GYS2: variants seen among roughly 807,000 people sequenced by gnomAD.
GYS2 encodes the protein glycogen [starch] synthase, liver.
GYS2 carries 80 observed loss-of-function variants against 85.6 expected under a neutral mutation model. The observed-to-expected ratio is 0.93, with a 90% CI of 0.78 to 1.13. GYS2 has a LOEUF of 1.13. Among genes scored for constraint, GYS2 ranks in the 50% most tolerant of loss-of-function variants. GYS2 has a pLI of 0.00. For missense variants in GYS2, 881 were observed against 854.9 expected (o/e 1.03, Z -0.38); for synonymous variants, 328 against 300.7 (o/e 1.09, Z -0.94).
At chr12:21,559,312 G>C (rs549717154) in intron 9 of GYS2, 143 bp from the exon 10 acceptor site, 15 of 587,488 alleles carry the variant, frequency 2.6e-5, no homozygotes, top group Non-Finnish European at 4.2e-5. Flanking sequence ...TGTTCACATA[G>C]ACTTAATATT....
intron 11 of GYS2, 52 bp from the exon 12 acceptor site, chr12:21,546,522 T>C: frequency 2.4e-6 from 3 of 1,261,224 alleles, no homozygotes; most frequent in South Asian, 2.6e-5. Flanking sequence ...GCAAGTAAAG[T>C]GAAAAATCTC....
chr12:21,584,779 T>C (rs1485510705), intron 1 of GYS2, among the ~76,000 whole-genome samples: 1 of 152,212 alleles, frequency 6.6e-6, no homozygotes, highest in Non-Finnish European at 1.5e-5. Context: ...TCAATGCTTA[T>C]GCCAAGACTA....
At chr12:21,594,759 T>C (rs1473047557) in intron 1 of GYS2, among the ~76,000 whole-genome samples, 1 of 152,106 alleles carries the variant, frequency 6.6e-6, no homozygotes, top group Non-Finnish European at 1.5e-5. Flanking sequence ...AAAATTTGTA[T>C]GAAATTAAAA....
rs765248902 is a variant in GYS2 at position 21,558,217 on chromosome 12, G to A, written c.1405C>T (p.Arg469Cys). 15 of 1,604,370 alleles carry A rather than the reference G, an allele frequency of 9.3e-6. No individual in the cohort carries two copies. The highest frequency in any genetic ancestry group is 4.4e-5 in the South Asian group (4 of 90,844). The part of the protein sequence containing the change: ...TIRRIGLFNN[R>C]TDRVKVILHP... ...TGTTCTACCTTGACTCTATCTGTGCGGTTGTTGAAAAGTCCAATCCGTCTA... is the reference window on the plus strand; with the variant it reads ...TGTTCTACCTTGACTCTATCTGTGCAGTTGTTGAAAAGTCCAATCCGTCTA... Residue 469 changes from arginine (R) to cysteine (C), a missense_variant, in exon 11 of 16, where the codon CGC becomes TGC. Physicochemically the swap from Arg to Cys is radical, Grantham distance 180. Coordinates refer to ENST00000261195, the MANE Select transcript of GYS2 (RefSeq NM_021957.4).
chr12:21,537,349 A>C (rs1943922013), intron 15 of GYS2, 174 bp from the exon 16 acceptor site: 1 of 644,310 alleles, frequency 1.6e-6, no homozygotes, highest in Non-Finnish European at 2.8e-6. Flanking sequence ...AGAGGGATTC[A>C]TTCAATATAT....
rs199969786 is a variant in GYS2, at chr12:21,536,561, C to CG, written c.*392dup. The CG allele has an allele frequency of 1.1e-3, 242 of 229,636 alleles. 3 individuals are homozygous for CG. The East Asian group carries it at 0.021, about 20-fold the overall frequency. The allele number at this position is 229,636 out of a possible 1,614,324, so 14.2% of individuals were successfully genotyped here. The stretch of plus-strand genomic sequence containing the variant: ...CATTCATGGGTAAGATCAAGGTTTT[C>CG]GGGGGGGAAATGGGAAATTTGTGTG... On this transcript the variant is annotated 3_prime_UTR_variant, in exon 16 of 16. Transcript: ENST00000261195.
At chr12:21,583,696 G>A (rs528213396) in intron 1 of GYS2, among the ~76,000 whole-genome samples, 1 of 152,320 alleles carries the variant, frequency 6.6e-6, no homozygotes, top group African/African-American at 2.4e-5. Context: ...CTCTTGGCCT[G>A]TTACTGGGCT....
In GYS2 at chr12:21,568,870, T is replaced by C. The variant is rs574791346; in HGVS notation, c.818A>G (p.Lys273Arg). 3 of 1,612,702 alleles carry C rather than the reference T, an allele frequency of 1.9e-6. No individual in the cohort carries two copies. The highest frequency in any genetic ancestry group is 2.2e-5 in the East Asian group (1 of 44,874). Reference protein sequence around the residue: ...AIEAEHMLKRKPDVVTPNGLN... With the variant: ...AIEAEHMLKRRPDVVTPNGLN... ...GATCCAGGGATAATAATTACCAGGC[T>C]TTCTCTTCAGCATATGTTCAGCTTC... is the stretch of plus-strand genomic sequence containing the variant. Residue 273 changes from lysine (K) to arginine (R), a missense_variant, in exon 5 of 16, where the codon AAG becomes AGG. By Grantham distance (26) the Lys-to-Arg change is conservative (BLOSUM62 2). Coordinates refer to ENST00000261195, the MANE Select transcript of GYS2 (RefSeq NM_021957.4).
At chr12:21,548,091 T>G (rs556131665) in intron 11 of GYS2, among the ~76,000 whole-genome samples, 1 of 75,294 alleles carries the variant, frequency 1.3e-5, no homozygotes, top group East Asian at 5.0e-4. Context: ...GTTGGTTGAT[T>G]TCCTTTGTTA....
Position 21,574,141 on chromosome 12 carries a change from T to C in GYS2, c.678+3A>G. The C allele has an allele frequency of 6.2e-7, 1 of 1,602,720 alleles. No homozygotes were observed. The highest frequency in any genetic ancestry group is 1.1e-5 in the South Asian group (1 of 90,808). Reference sequence around the variant, plus strand: ...TAAGAGGGAGGGAGGAAGGAATATTTACCTTATCAAGATGGTTGTAGAAAT... The same window carrying C: ...TAAGAGGGAGGGAGGAAGGAATATTCACCTTATCAAGATGGTTGTAGAAAT... On this transcript the variant is annotated splice_donor_region_variant and intron_variant, in intron 4 of 15. Transcript: ENST00000261195.
intron 15 of GYS2, chr12:21,537,489 A>G (rs1427679863): frequency 5.7e-6 from 2 of 349,274 alleles, no homozygotes; most frequent in Admixed American, 4.3e-5. Flanking sequence ...AGAGGGGTCA[A>G]GTAACTTGCC....
rs189912191 is a variant in GYS2 at position 21,594,380 on chromosome 12, C to T, written c.121+10092G>A. Among the ~76,000 whole-genome samples the T allele has an allele frequency of 1.2e-4, 19 of 152,172 alleles. No homozygotes were observed. In the East Asian group the frequency reaches 2.9e-3, roughly 23 times the overall value. On this transcript the variant is annotated intron_variant, in intron 1 of 15. Coordinates refer to ENST00000261195, the MANE Select transcript of GYS2 (RefSeq NM_021957.4). ...CAAGACTCCACCAAAGCACTCTTAG[C>T]GCTGAAAAATAAATTCAGTAAAGTT...
chr12:21,542,397 T>G, intron 13 of GYS2, 99 bp downstream of exon 13: 1 of 809,574 alleles, frequency 1.2e-6, no homozygotes, highest in Non-Finnish European at 2.2e-6. Context: ...TTAGTTTAAT[T>G]ATCAGGATAG....
chr12:21,566,901 A>G (rs1266982007), intron 5 of GYS2, among the ~76,000 whole-genome samples: 4 of 152,208 alleles, frequency 2.6e-5, no homozygotes, highest in South Asian at 2.1e-4. Context: ...TTAAGAAAAT[A>G]GTATATAGAG....
At chr12:21,585,739 G>A (rs1049767857) in intron 1 of GYS2, among the ~76,000 whole-genome samples, 4 of 152,182 alleles carry the variant, frequency 2.6e-5, no homozygotes, top group African/African-American at 7.2e-5. Flanking sequence ...AAACACCTTC[G>A]TGTCTGTATA....
chr12:21,577,717 C>T (rs1226052441), intron 2 of GYS2, among the ~76,000 whole-genome samples: 1 of 152,160 alleles, frequency 6.6e-6, no homozygotes. Flanking sequence ...ACTACCCACA[C>T]AGCATCTCAA....
At position 21,568,869 on chromosome 12, in the gene GYS2, C is replaced by A; in HGVS notation, c.819G>T (p.Lys273Asn). ...TGATCCAGGGATAATAATTACCAGGCTTTCTCTTCAGCATATGTTCAGCTT... is the reference window on the plus strand; with the variant it reads ...TGATCCAGGGATAATAATTACCAGGATTTCTCTTCAGCATATGTTCAGCTT... ...AIEAEHMLKR[K>N]PDVVTPNGLN... Residue 273 changes from lysine to asparagine, a missense_variant, in exon 5 of 16, where the codon AAG (lysine) becomes AAT (asparagine). By Grantham distance (94) the Lys-to-Asn change is moderately conservative. Coordinates refer to ENST00000261195, the MANE Select transcript of GYS2 (RefSeq NM_021957.4). 1 of 1,612,542 alleles carries A rather than the reference C, an allele frequency of 6.2e-7. No individual in the cohort carries two copies. The highest frequency in any genetic ancestry group is 8.5e-7 in the Non-Finnish European group (1 of 1,178,560).
rs189753679 is a variant in GYS2, at chr12:21,575,839, G to A, written c.495+27C>T. 6.9e-5 allele frequency: 107 copies of A among 1,552,710 alleles called. No homozygotes were observed. The East Asian group carries it at 1.6e-3, about 23-fold the overall frequency. ...CTGAAAGCAGTTGTGCTGCTCCTCC[G>A]TTGTATCACTATATAATAAACCATA... On this transcript the variant is annotated intron_variant, in intron 3 of 15. Transcript: ENST00000261195.
chr12:21,542,617 T>C (rs749027848), intron 12 of GYS2, 26 bp from the exon 13 acceptor site: 10 of 1,510,350 alleles, frequency 6.6e-6, no homozygotes, highest in Admixed American at 1.7e-5. Flanking sequence ...GACCAAAGCT[T>C]GGCTTCAGAC....
Sources: gnomAD v4.1 joint callset for allele counts (sites outside exome capture counted in the v4.1 genomes callset) on GRCh38, gnomAD v4.1.1 for gene constraint, MANE v1.5 for transcripts, NCBI Gene and HGNC (gene_info 2026-07-23, HGNC 2026-07-21) for gene names.